The following ADGRL3 variants were observed in gnomAD, a reference collection of about 807,000 sequenced individuals.
The protein encoded by ADGRL3 is adhesion G protein-coupled receptor L3, also known as calcium-independent alpha-latrotoxin receptor 3.
In ADGRL3, 62 loss-of-function variants were observed where a neutral mutation model predicts 153.5. The observed-to-expected ratio is 0.40, with a 90% CI of 0.33 to 0.50. The LOEUF is 0.50. Among genes scored for constraint, ADGRL3 ranks in the 20% least tolerant of loss-of-function variants. The probability of loss-of-function intolerance (pLI) is 0.47; values close to 1 mark genes in which losing one functional copy is unlikely to be tolerated. For synonymous variants in ADGRL3, 710 were observed against 672.5 expected, an observed-to-expected ratio of 1.06 and a Z score of -0.86; for missense variants, 1,641 against 1,859.4, an observed-to-expected ratio of 0.88 and a Z score of 2.16.
intron 6 of ADGRL3, among the ~76,000 whole-genome samples, chr4:61,688,581 G>T (rs17090534): frequency 7.2e-5 from 11 of 152,016 alleles, no homozygotes; most frequent in Non-Finnish European, 1.2e-4. Context: ...ATAGCCATTC[G>T]AATTAATACA....
chr4:61,859,695 A>G (rs2098320109), intron 9 of ADGRL3, among the ~76,000 whole-genome samples: 1 of 152,252 alleles, frequency 6.6e-6, no homozygotes, highest in South Asian at 2.1e-4. Context: ...GAACATATTT[A>G]TAACTTAGTT....
chr4:61,818,135 G>A (rs1183672169), intron 9 of ADGRL3, among the ~76,000 whole-genome samples: 2 of 152,162 alleles, frequency 1.3e-5, no homozygotes, highest in Non-Finnish European at 2.9e-5. Context: ...TTCTGCCTAT[G>A]AGCCTGTAAA....
chr4:61,551,174 C>T (rs531952610), intron 4 of ADGRL3, among the ~76,000 whole-genome samples: 1 of 152,178 alleles, frequency 6.6e-6, no homozygotes, highest in Non-Finnish European at 1.5e-5. Flanking sequence ...GGCTATTTCT[C>T]CAGAACCAGG....
At chr4:61,525,183 T>C (rs1285752129) in intron 4 of ADGRL3, among the ~76,000 whole-genome samples, 2 of 151,996 alleles carry the variant, frequency 1.3e-5, no homozygotes, top group African/African-American at 2.4e-5. Flanking sequence ...GAGATGGAGA[T>C]AAACGAGAAA....
At chr4:61,860,341 T>C (rs530918756) in intron 9 of ADGRL3, among the ~76,000 whole-genome samples, 10 of 152,248 alleles carry the variant, frequency 6.6e-5, no homozygotes, top group Admixed American at 3.3e-4. Context: ...TTTAACAATA[T>C]ACAGATAAAC....
At chr4:61,452,398 C>CA (rs1370730678) in intron 2 of ADGRL3, among the ~76,000 whole-genome samples, 2 of 152,104 alleles carry the variant, frequency 1.3e-5, no homozygotes, top group East Asian at 1.9e-4. Flanking sequence ...AACCTGGCTG[C>CA]AAAAAACATC....
intron 1 of ADGRL3, among the ~76,000 whole-genome samples, chr4:61,249,097 A>G (rs1758190791): frequency 6.6e-6 from 1 of 152,206 alleles, no homozygotes; most frequent in South Asian, 2.1e-4. Context: ...CTTCGTGTCT[A>G]TCTTTAAATT....
At chr4:61,215,556 T>A in intron 1 of ADGRL3, among the ~76,000 whole-genome samples, 1 of 132,820 alleles carries the variant, frequency 7.5e-6, no homozygotes, top group Admixed American at 7.8e-5. Flanking sequence ...TTTTTTTTTT[T>A]TTTTTTTTTT....
intron 1 of ADGRL3, among the ~76,000 whole-genome samples, chr4:61,304,417 TA>T (rs1305054082): frequency 6.6e-6 from 1 of 152,222 alleles, no homozygotes; most frequent in South Asian, 2.1e-4. Context: ...GTTATGCTAC[TA>T]AAAAACAAGC....
At chr4:61,682,178 T>C (rs2095350867) in intron 6 of ADGRL3, among the ~76,000 whole-genome samples, 2 of 152,194 alleles carry the variant, frequency 1.3e-5, no homozygotes, top group African/African-American at 2.4e-5. Flanking sequence ...AGCAACCTTT[T>C]TTCATATTAT....
intron 9 of ADGRL3, among the ~76,000 whole-genome samples, chr4:61,841,347 A>G (rs2098029606): frequency 6.6e-6 from 1 of 152,150 alleles, no homozygotes; most frequent in Admixed American, 6.5e-5. Context: ...TTAAATTTCC[A>G]TATATATTCT....
At position 62,041,965 on chromosome 4, in the gene ADGRL3, C is replaced by T. The variant is rs567210464; in HGVS notation, c.3718-2488C>T. 5.3e-5 allele frequency among the ~76,000 whole-genome samples: 8 copies of T among 152,140 alleles called. No individual in the cohort carries two copies. The East Asian group carries it at 1.5e-3, about 29-fold the overall frequency. On this transcript the variant is annotated intron_variant, in intron 24 of 26. Transcript: ENST00000683033. The stretch of plus-strand genomic sequence containing the variant: ...CTGTGCCATCAGACATGTTCATTAA[C>T]CACTGTGCTTCGGTTTTTCTAGTGT...
At chr4:61,463,707 TA>T (rs1262881729) in intron 2 of ADGRL3, among the ~76,000 whole-genome samples, 1 of 152,150 alleles carries the variant, frequency 6.6e-6, no homozygotes, top group African/African-American at 2.4e-5. Flanking sequence ...AGGAAGATAA[TA>T]AATATGGTAC....
At chr4:61,890,534 G>T (rs1208471575) in intron 9 of ADGRL3, among the ~76,000 whole-genome samples, 1 of 151,974 alleles carries the variant, frequency 6.6e-6, no homozygotes, top group East Asian at 1.9e-4. Flanking sequence ...AGGGGGAGGG[G>T]CGGGGACAGG....
At chr4:61,312,139 C>A (rs1195396721) in intron 1 of ADGRL3, among the ~76,000 whole-genome samples, 1 of 152,032 alleles carries the variant, frequency 6.6e-6, no homozygotes, top group Non-Finnish European at 1.5e-5. Context: ...TGATCATTGA[C>A]AAAAGTGCAA....
Position 61,683,490 on chromosome 4 carries a change from T to A in ADGRL3, c.583+6555T>A, listed in dbSNP as rs374360942. ...GTTCCCGTACCTGAAGATGAGAAAG[T>A]GCCCCGTGTGTCTGGGTCTGGGGTC... On this transcript the variant is annotated intron_variant, in intron 6 of 26. Transcript: ENST00000683033. 2.7e-4 allele frequency among the ~76,000 whole-genome samples: 41 copies of A among 152,114 alleles called. No individual in the cohort carries two copies. The South Asian group carries it at 7.9e-3, about 29-fold the overall frequency.
chr4:61,683,627 G>A (rs1487935555), intron 6 of ADGRL3, among the ~76,000 whole-genome samples: 1 of 152,114 alleles, frequency 6.6e-6, no homozygotes, highest in Non-Finnish European at 1.5e-5. Flanking sequence ...AAAACAATTA[G>A]AAAAGGGTAG....
intron 9 of ADGRL3, among the ~76,000 whole-genome samples, chr4:61,819,914 A>G (rs1397560831): frequency 6.6e-6 from 1 of 152,124 alleles, no homozygotes; most frequent in African/African-American, 2.4e-5. Flanking sequence ...TACATATATA[A>G]AATCACATTC....
intron 1 of ADGRL3, among the ~76,000 whole-genome samples, chr4:61,325,612 C>G (rs2095447894): frequency 6.6e-6 from 1 of 152,116 alleles, no homozygotes; most frequent in Non-Finnish European, 1.5e-5. Context: ...GACAGGGTAA[C>G]AGAAGAGAAA....
Sources: allele counts gnomAD v4.1 joint callset (sites outside exome capture counted in the v4.1 genomes callset), GRCh38; gene constraint gnomAD v4.1.1; transcripts MANE v1.5; gene names NCBI Gene and HGNC (gene_info 2026-07-23, HGNC 2026-07-21).